KHK: variants seen among roughly 807,000 people sequenced by gnomAD.
KHK encodes fructokinase.
KHK carries 37 observed loss-of-function variants against 36.0 expected under a neutral mutation model. That is an observed-to-expected ratio of 1.03 (90% CI 0.79 to 1.35). The LOEUF is 1.35. Ranked by LOEUF, KHK falls within the 40% of genes most tolerant of loss-of-function variation. The pLI is 0.00. For missense variants in KHK, 395 were observed against 391.9 expected (o/e 1.01, Z -0.07); for synonymous variants, 161 against 162.8 (o/e 0.99, Z 0.08).
At chr2:27,094,259 T>A in intron 2 of KHK, 1 of 620,444 alleles carries the variant, frequency 1.6e-6, no homozygotes, top group Non-Finnish European at 2.9e-6. Flanking sequence ...CCTAAAAGGA[T>A]GGCCCTTAGT....
chr2:27,094,538 A>G (rs1203970601), intron 2 of KHK: 31 of 1,614,018 alleles, frequency 1.9e-5, no homozygotes, highest in Non-Finnish European at 2.5e-5. Flanking sequence ...CTTTCAGACC[A>G]CAGGCTCCGT....
intron 5 of KHK, among the ~76,000 whole-genome samples, chr2:27,098,494 T>A (rs907637844): frequency 6.9e-6 from 1 of 144,394 alleles, no homozygotes; most frequent in African/African-American, 2.8e-5. Flanking sequence ...AAAAAAAAAA[T>A]TCCTGGCATG....
At chr2:27,094,298 A>G (rs1189768660) in intron 2 of KHK, 1 of 733,538 alleles carries the variant, frequency 1.4e-6, no homozygotes. Flanking sequence ...CAGGCTCTGC[A>G]CTCCTGCATC....
rs780202698 is a variant in KHK, at chr2:27,094,905, T to C, written c.315T>C (p.Asn105=). The C allele has an allele frequency of 5.0e-6, 8 of 1,613,872 alleles. No individual in the cohort carries two copies. The highest frequency in any genetic ancestry group is 1.6e-4 in the Middle Eastern group (1 of 6,084). Reference sequence around the variant, plus strand: ...CCTGCTGCATCATCAACAACTCCAATGGCAACCGTACCATTGTGCTCCATG... The same window carrying C: ...CCTGCTGCATCATCAACAACTCCAACGGCAACCGTACCATTGTGCTCCATG... ...PSSCCIINNS[N]GNRTIVLHDT... Residue 105 remains asparagine, a synonymous_variant, in exon 3 of 8, where the codon AAT becomes AAC. Coordinates refer to ENST00000260598, the MANE Select transcript of KHK (RefSeq NM_006488.3).
rs879019463 is a variant in KHK at position 27,099,196 on chromosome 2, G to C, written c.565G>C (p.Val189Leu). ...CCAGCTTCTCTTCCACTGCCCACAG[G>C]TGTTTGTCAGCAAAGATGTGGCCAA... ...LFQLFGYGDV[V>L]FVSKDVAKHL... The change falls in exon 6 of 8, where the codon GTG becomes CTG. Residue 189 changes from valine (V) to leucine (L), a missense_variant and splice_region_variant. Coordinates refer to ENST00000260598, the MANE Select transcript of KHK (RefSeq NM_006488.3). The C allele has an allele frequency of 6.2e-7, 1 of 1,614,142 alleles. No homozygotes were observed. Among genetic ancestry groups the C allele is most frequent in the Admixed American group, 1.7e-5 (1 of 60,016 alleles).
chr2:27,097,725 C>T, intron 5 of KHK, 76 bp downstream of exon 5: 1 of 1,583,826 alleles, frequency 6.3e-7, no homozygotes, highest in Non-Finnish European at 8.7e-7. Flanking sequence ...TCCTTTTATC[C>T]TGCCTACCAC....
intron 3 of KHK, among the ~76,000 whole-genome samples, chr2:27,095,325 G>C (rs942365027): frequency 3.3e-5 from 5 of 152,218 alleles, no homozygotes; most frequent in Non-Finnish European, 7.3e-5. Flanking sequence ...AGGGCTGTGG[G>C]GGGGTGCCCA....
chr2:27,091,437 TG>T (rs1669999534), intron 1 of KHK, among the ~76,000 whole-genome samples: 1 of 152,294 alleles, frequency 6.6e-6, no homozygotes, highest in African/African-American at 2.4e-5. Context: ...TTCCCAAAAC[TG>T]AAGTTTCGCG....
rs182179674 is a variant in KHK, at chr2:27,092,231, G to C, written c.93-101G>C. 611 of 946,186 alleles carry C rather than the reference G, an allele frequency of 6.5e-4. 3 individuals are homozygous for C. In the African/African-American group the frequency reaches 8.6e-3, roughly 13 times the overall value. 58.6% of individuals were successfully genotyped at this position (946,186 alleles called of 1,614,324 possible). A position where few individuals can be genotyped will look rare whatever the true frequency, so the allele number is the denominator to read the frequency against. On this transcript the variant is annotated intron_variant, in intron 1 of 7. Coordinates refer to ENST00000260598, the MANE Select transcript of KHK (RefSeq NM_006488.3). ...TGAGACGTCGGCCTAGATGCTTTCT[G>C]AGAGGAGTCCCCAGCTGTTACATTC...
rs753635339 is a variant in KHK at position 27,094,951 on chromosome 2, T to C, written c.344+17T>C. 6.2e-7 allele frequency: 1 copy of C among 1,613,556 alleles called. No individual in the cohort carries two copies. On this transcript the variant is annotated intron_variant, in intron 3 of 7. Coordinates refer to ENST00000260598, the MANE Select transcript of KHK (RefSeq NM_006488.3). ...CCATGACACGTAAGGCCCCCGGGCC[T>C]CGCCCTGCTACAACCCACCAATCAG...
rs1476284927 is a variant in KHK at position 27,099,291 on chromosome 2, C to T, written c.653+7C>T. On this transcript the variant is annotated splice_region_variant and intron_variant, in intron 6 of 7. Transcript: ENST00000260598. Reference sequence around the variant, plus strand: ...ATGGTCGTGTGAGGAAAGGGTGAGCCGGGGAAGCCAGGAAGGGGCTTTAGA... The same window carrying T: ...ATGGTCGTGTGAGGAAAGGGTGAGCTGGGGAAGCCAGGAAGGGGCTTTAGA... 18 of 1,613,690 alleles carry T rather than the reference C, an allele frequency of 1.1e-5. No homozygotes were observed. The highest frequency in any genetic ancestry group is 1.6e-4 in the Middle Eastern group (1 of 6,084).
chr2:27,098,998 A>G, intron 5 of KHK, 198 bp from the exon 6 acceptor site: 1 of 580,668 alleles, frequency 1.7e-6, no homozygotes, highest in Non-Finnish European at 3.2e-6. Context: ...CCAGGAGTTC[A>G]AGACCAGCCT....
chr2:27,096,047 G>A (rs2148355691), intron 3 of KHK, among the ~76,000 whole-genome samples: 1 of 152,336 alleles, frequency 6.6e-6, no homozygotes, highest in East Asian at 1.9e-4. Context: ...TATCAATGTG[G>A]AAGTTGCCTC....
intron 1 of KHK, among the ~76,000 whole-genome samples, 179 bp downstream of exon 1, chr2:27,087,530 G>A (rs1669733429): frequency 6.6e-6 from 1 of 152,224 alleles, no homozygotes; most frequent in South Asian, 2.1e-4. Context: ...AGAGAGGAAG[G>A]AATTGAGGCC....
rs778703787 is a variant in KHK at position 27,099,166 on chromosome 2, G to T, written c.565-30G>T. 8.7e-6 allele frequency: 14 copies of T among 1,607,468 alleles called. No homozygotes were observed. In the East Asian group the frequency reaches 2.5e-4, roughly 28 times the overall value. On this transcript the variant is annotated intron_variant, in intron 5 of 7. Coordinates refer to ENST00000260598, the MANE Select transcript of KHK (RefSeq NM_006488.3). Reference sequence around the variant, plus strand: ...TGTTGGTGAATGACGAGTTAGAAGTGACCACCAGCTTCTCTTCCACTGCCC... The same window carrying T: ...TGTTGGTGAATGACGAGTTAGAAGTTACCACCAGCTTCTCTTCCACTGCCC...
chr2:27,096,467 C>G (rs1670356494), intron 3 of KHK, among the ~76,000 whole-genome samples: 1 of 152,194 alleles, frequency 6.6e-6, no homozygotes, highest in African/African-American at 2.4e-5. Flanking sequence ...CCAAGGCACA[C>G]AGACCTTGCC....
chr2:27,099,159 T>C (rs1670611005), intron 5 of KHK, 37 bp from the exon 6 acceptor site: 7 of 1,598,616 alleles, frequency 4.4e-6, no homozygotes, highest in Middle Eastern at 1.7e-4. Flanking sequence ...AATGACGAGT[T>C]AGAAGTGACC....
At chr2:27,094,267 A>G (rs778882212) in intron 2 of KHK, 1 of 642,028 alleles carries the variant, frequency 1.6e-6, no homozygotes, top group South Asian at 1.7e-5. Context: ...GATGGCCCTT[A>G]GTGTTTCTCT....
At chr2:27,098,598 T>C (rs914158223) in intron 5 of KHK, among the ~76,000 whole-genome samples, 1 of 152,028 alleles carries the variant, frequency 6.6e-6, no homozygotes, top group Non-Finnish European at 1.5e-5. Flanking sequence ...TTGGCAGGGG[T>C]AGAGCCAAGG....
Sources: allele counts gnomAD v4.1 joint callset (sites outside exome capture counted in the v4.1 genomes callset), GRCh38; gene constraint gnomAD v4.1.1; transcripts MANE v1.5; gene names NCBI Gene and HGNC (gene_info 2026-07-23, HGNC 2026-07-21).